The following ROBO2 variants were observed in gnomAD, a reference collection of about 807,000 sequenced individuals.
ROBO2 encodes roundabout homolog 2.
ROBO2 carries 53 observed loss-of-function variants against 160.8 expected under a neutral mutation model. That is an observed-to-expected ratio of 0.33 (90% CI 0.26 to 0.41). The LOEUF (loss-of-function observed/expected upper bound fraction) is 0.41. ROBO2 is among the 10% of genes least tolerant of loss of function. The pLI is 1.00. For synonymous variants in ROBO2, 664 were observed against 611.7 expected (o/e 1.09, Z -1.26); for missense variants, 1,577 against 1,722.4 (o/e 0.92, Z 1.49).
intron 2 of ROBO2, among the ~76,000 whole-genome samples, chr3:75,969,060 A>C (rs2064901798): frequency 6.6e-6 from 1 of 150,956 alleles, no homozygotes; most frequent in African/African-American, 2.4e-5. Context: ...TATTTCACTT[A>C]GCATAATGCC....
At chr3:76,686,606 A>G (rs1210913466) in intron 2 of ROBO2, among the ~76,000 whole-genome samples, 1 of 152,096 alleles carries the variant, frequency 6.6e-6, no homozygotes, top group Non-Finnish European at 1.5e-5. Flanking sequence ...TTTGTTCTCA[A>G]GATCATATTA....
At chr3:76,548,506 A>G (rs1472581691) in intron 2 of ROBO2, among the ~76,000 whole-genome samples, 1 of 152,170 alleles carries the variant, frequency 6.6e-6, no homozygotes, top group Admixed American at 6.6e-5. Flanking sequence ...ACATGTTCAC[A>G]AACAAGAGTG....
At chr3:76,298,960 A>T (rs1321930302) in intron 2 of ROBO2, among the ~76,000 whole-genome samples, 2 of 152,130 alleles carry the variant, frequency 1.3e-5, no homozygotes, top group Non-Finnish European at 2.9e-5. Context: ...AAATCTGTAG[A>T]TGTTATTCTC....
chr3:77,054,077 A>G (rs2065476501), intron 1 of ROBO2, among the ~76,000 whole-genome samples: 1 of 152,174 alleles, frequency 6.6e-6, no homozygotes, highest in African/African-American at 2.4e-5. Flanking sequence ...GGCAGAATAG[A>G]AACAAGGTTA....
At chr3:76,178,120 A>C (rs868353821) in intron 2 of ROBO2, among the ~76,000 whole-genome samples, 1 of 152,182 alleles carries the variant, frequency 6.6e-6, no homozygotes, top group South Asian at 2.1e-4. Context: ...AAATATTACA[A>C]GGATGAAATA....
chr3:76,906,684 C>G (rs1173591707), intron 2 of ROBO2, among the ~76,000 whole-genome samples: 1 of 151,986 alleles, frequency 6.6e-6, no homozygotes, highest in Admixed American at 6.6e-5. Flanking sequence ...AAGTAAATGG[C>G]CTTGTTGAAA....
intron 2 of ROBO2, among the ~76,000 whole-genome samples, chr3:76,287,778 C>T (rs1276137502): frequency 2.6e-5 from 4 of 152,208 alleles, no homozygotes; most frequent in Non-Finnish European, 4.4e-5. Context: ...CAATCTGCCT[C>T]ATAGGGTTGC....
chr3:77,437,831 A>C (rs925978762), intron 2 of ROBO2, among the ~76,000 whole-genome samples: 1 of 151,996 alleles, frequency 6.6e-6, no homozygotes, highest in African/African-American at 2.4e-5. Flanking sequence ...CCTTCTGTGA[A>C]TACACCCTGT....
At chr3:76,798,415 A>G (rs181571348) in intron 2 of ROBO2, among the ~76,000 whole-genome samples, 4 of 152,294 alleles carry the variant, frequency 2.6e-5, no homozygotes, top group African/African-American at 7.2e-5. Flanking sequence ...CCCTAAAAAG[A>G]TCATTCAGCA....
intron 2 of ROBO2, among the ~76,000 whole-genome samples, chr3:76,455,480 T>G (rs1487468318): frequency 6.6e-6 from 1 of 152,132 alleles, no homozygotes; most frequent in South Asian, 2.1e-4. Context: ...ATAAAATGTA[T>G]TTTTATTGGT....
intron 2 of ROBO2, among the ~76,000 whole-genome samples, chr3:76,373,850 TG>T (rs1664870971): frequency 6.6e-6 from 1 of 151,984 alleles, no homozygotes; most frequent in Admixed American, 6.6e-5. Flanking sequence ...GGCTCACTCG[TG>T]CTTCTGTGGT....
chr3:76,168,541 T>TG (rs2072919394), intron 2 of ROBO2, among the ~76,000 whole-genome samples: 1 of 152,126 alleles, frequency 6.6e-6, no homozygotes, highest in Non-Finnish European at 1.5e-5. Context: ...AAATGGAGTT[T>TG]GGGGGCTACA....
intron 2 of ROBO2, among the ~76,000 whole-genome samples, chr3:76,689,148 A>G (rs1401277540): frequency 3.9e-5 from 6 of 152,126 alleles, no homozygotes; most frequent in Non-Finnish European, 8.8e-5. Flanking sequence ...TTGAATTGCT[A>G]GCCTCTGGTA....
intron 2 of ROBO2, among the ~76,000 whole-genome samples, chr3:76,196,419 T>C (rs1702263836): frequency 6.6e-6 from 1 of 152,116 alleles, no homozygotes; most frequent in East Asian, 1.9e-4. Flanking sequence ...GAAACACATA[T>C]ATATTTCTCA....
intron 2 of ROBO2, among the ~76,000 whole-genome samples, chr3:76,554,547 A>G (rs2083597517): frequency 6.6e-6 from 1 of 152,068 alleles, no homozygotes; most frequent in Non-Finnish European, 1.5e-5. Flanking sequence ...CGTTGCCTAC[A>G]TTGTAATTGC....
At chr3:77,484,431 T>G (rs545026489) in intron 4 of ROBO2, among the ~76,000 whole-genome samples, 31 of 152,050 alleles carry the variant, frequency 2.0e-4, no homozygotes, top group African/African-American at 7.5e-4. Flanking sequence ...AAAACTTATT[T>G]TATGTGTAAC....
rs1404865704 is a variant in ROBO2 at position 76,158,444 on chromosome 3, C to A, written c.109+220842C>A. ...AGTCCACATATTTAATGATACTATA[C>A]CCCTAAAAAAAAAAAAACTTCACAA... On this transcript the variant is annotated intron_variant, in intron 2 of 26. Transcript: ENST00000487694. Among the ~76,000 whole-genome samples the A allele has an allele frequency of 3.1e-5, 4 of 130,202 alleles. No individual in the cohort carries two copies. In the East Asian group the frequency reaches 9.5e-4, roughly 31 times the overall value. 85.4% of individuals were successfully genotyped at this position (130,202 alleles called of 152,430 possible).
chr3:76,240,288 AC>A (rs949915389), intron 2 of ROBO2, among the ~76,000 whole-genome samples: 4 of 143,728 alleles, frequency 2.8e-5, no homozygotes, highest in African/African-American at 1.0e-4. Flanking sequence ...CATAACCCCC[AC>A]CCCCCGACAG....
chr3:76,249,504 G>A (rs1705850353), intron 2 of ROBO2, among the ~76,000 whole-genome samples: 1 of 152,212 alleles, frequency 6.6e-6, no homozygotes, highest in Middle Eastern at 3.4e-3. Flanking sequence ...ACTGCCTAAA[G>A]CAGAAAGAAA....
Sources: allele counts gnomAD v4.1 joint callset (sites outside exome capture counted in the v4.1 genomes callset), GRCh38; gene constraint gnomAD v4.1.1; transcripts MANE v1.5; gene names NCBI Gene and HGNC (gene_info 2026-07-23, HGNC 2026-07-21).